The following SYTL4 variants were observed in gnomAD, a reference collection of about 807,000 sequenced individuals.
SYTL4 encodes the protein synaptotagmin-like protein 4.
In SYTL4, 16 loss-of-function variants were observed where a neutral mutation model predicts 52.7. The observed-to-expected ratio is 0.30, with a 90% CI of 0.21 to 0.46. SYTL4 has a LOEUF of 0.46. Ranked by LOEUF, SYTL4 falls within the 20% of genes least tolerant of loss-of-function variation. SYTL4 has a pLI of 1.00. For synonymous variants in SYTL4, 160 were observed against 186.6 expected, an observed-to-expected ratio of 0.86 and a Z score of 1.16; for missense variants, 423 against 519.9, an observed-to-expected ratio of 0.81 and a Z score of 1.81.
chrX:100,700,966 A>C lies in SYTL4; in HGVS notation c.470T>G (p.Leu157Arg). The C allele has an allele frequency of 8.3e-7, 1 of 1,210,270 alleles. No individual in the cohort carries two copies. Among genetic ancestry groups the C allele is most frequent in the Non-Finnish European group, 1.1e-6 (1 of 894,294 alleles). The part of the protein sequence containing the change: ...SKRETVGQSL[L>R]HQTQMGDIWP... Reference sequence around the variant, plus strand: ...GATGTCACCCATCTGTGTCTGATGAAGGAGGGACTGTCCCACTGTCTCTCT... The same window carrying C: ...GATGTCACCCATCTGTGTCTGATGACGGAGGGACTGTCCCACTGTCTCTCT... Residue 157 changes from leucine to arginine, a missense_variant, in exon 8 of 20, where the codon CTT becomes CGT. Transcript: ENST00000372989.
chrX:100,690,103 C>A lies in SYTL4; in HGVS notation c.780G>T (p.Lys260Asn). The change falls in exon 11 of 20, where the codon AAG becomes AAT. Residue 260 changes from lysine (K) to asparagine (N), a missense_variant. Lys to Asn is a moderately conservative substitution (Grantham distance 94). Coordinates refer to ENST00000372989, the MANE Select transcript of SYTL4 (RefSeq NM_001370165.1). The stretch of plus-strand genomic sequence containing the variant: ...AAGGCCTGAGGATTTTTCTGGTGTT[C>A]TTCTTAAATATCATCTCACCCTCAT... The part of the protein sequence containing the change: ...FVDEGEMIFK[K>N]NTRKILRPSE... 1 of 1,210,941 alleles carries A rather than the reference C, an allele frequency of 8.3e-7. No individual in the cohort carries two copies. The highest frequency in any genetic ancestry group is 1.1e-6 in the Non-Finnish European group (1 of 894,984).
intron 2 of SYTL4, among the ~76,000 whole-genome samples, chrX:100,724,054 G>A (rs1202696830): frequency 1.0e-5 from 1 of 99,662 alleles, no homozygotes; most frequent in African/African-American, 3.8e-5. Context: ...CGCCCCGTCC[G>A]GGAGGTGAGG....
intron 5 of SYTL4, 21 bp downstream of exon 5, chrX:100,701,907 T>C: frequency 4.4e-6 from 5 of 1,137,144 alleles, no homozygotes; most frequent in East Asian, 3.0e-5. Flanking sequence ...TGGGACCCCA[T>C]GCGTTTTGGG....
At chrX:100,721,216 G>A (rs929120917) in intron 2 of SYTL4, among the ~76,000 whole-genome samples, 1 of 111,787 alleles carries the variant, frequency 8.9e-6, no homozygotes, top group Non-Finnish European at 1.9e-5. Context: ...GGGGAAAAGA[G>A]GTATGAGTTT....
chrX:100,706,064 C>G (rs1307318664), intron 2 of SYTL4, among the ~76,000 whole-genome samples: 1 of 110,886 alleles, frequency 9.0e-6, no homozygotes, highest in Non-Finnish European at 1.9e-5. Context: ...ATCCATATAC[C>G]TTCATCCCTC....
At chrX:100,710,780 A>G (rs2084052000) in intron 2 of SYTL4, among the ~76,000 whole-genome samples, 1 of 111,914 alleles carries the variant, frequency 8.9e-6, no homozygotes, top group Non-Finnish European at 1.9e-5. Flanking sequence ...AGTTCTGGAG[A>G]CAGAGCTGAG....
At chrX:100,724,246 G>C (rs1342093172) in intron 2 of SYTL4, among the ~76,000 whole-genome samples, 3 of 103,896 alleles carry the variant, frequency 2.9e-5, no homozygotes, top group Non-Finnish European at 4.0e-5. Flanking sequence ...GGAGGGAGGT[G>C]GGGGGGGTCA....
chrX:100,696,199 T>A (rs2083702742), intron 8 of SYTL4, among the ~76,000 whole-genome samples: 1 of 112,001 alleles, frequency 8.9e-6, no homozygotes, highest in South Asian at 3.7e-4. Flanking sequence ...CTTGAGTAAG[T>A]ACCCAGGAAT....
At position 100,689,914 on chromosome X, in the gene SYTL4, T is replaced by C; in HGVS notation, c.854A>G (p.His285Arg). Residue 285 changes from histidine (H) to arginine (R), a missense_variant, in exon 12 of 20, where the codon CAT becomes CGT. His to Arg is a conservative substitution (Grantham distance 29, BLOSUM62 0). Coordinates refer to ENST00000372989, the MANE Select transcript of SYTL4 (RefSeq NM_001370165.1). The stretch of plus-strand genomic sequence containing the variant: ...TCTGTCTCCCAAGGAGCCACTTTCA[T>C]GTACCACATCTTCTGGGCGAAGATC... ...VIDLRPEDVV[H>R]ESGSLGDRSK... 8.3e-7 allele frequency: 1 copy of C among 1,210,757 alleles called. No homozygotes were observed. Among genetic ancestry groups the C allele is most frequent in the Non-Finnish European group, 1.1e-6 (1 of 894,710 alleles).
rs762486640 is a variant in SYTL4 at position 100,701,260 on chromosome X, A to G, written c.396T>C (p.Gly132=). The G allele has an allele frequency of 3.3e-6, 4 of 1,211,642 alleles. No individual in the cohort carries two copies. The Admixed American group carries it at 8.7e-5, about 26-fold the overall frequency. ...QKVNRFAYRT[G]SEIIRMSLRH... ...GCAGGGACATCCTGATTATCTCACT[A>G]CCTGTGCGGTAAGCAAAGCGATTCA... The change falls in exon 7 of 20, where the codon GGT becomes GGC. Residue 132 remains glycine, a synonymous_variant. Transcript: ENST00000372989.
At position 100,681,301 on chromosome X, in the gene SYTL4, T is replaced by G. The variant is rs757247580; in HGVS notation, c.1484A>C (p.His495Pro). The G allele has an allele frequency of 8.3e-7, 1 of 1,211,293 alleles. No homozygotes were observed. Residue 495 changes from histidine to proline, a missense_variant, in exon 17 of 20, where the codon CAC (histidine) becomes CCC (proline). Transcript: ENST00000372989. ...CAATGAAACCACCAACTCGCCTTTG[T>G]GTGATGGCAAGCCAGTCGGGGACTC... The part of the protein sequence containing the change: ...SAESPTGLPS[H>P]KGELVVSLKY...
rs2083515668 is a variant in SYTL4, at chrX:100,688,437, C to T, written c.919G>A (p.Glu307Lys). 1 of 1,199,194 alleles carries T rather than the reference C, an allele frequency of 8.3e-7. No homozygotes were observed. Among genetic ancestry groups the T allele is most frequent in the Admixed American group, 2.2e-5 (1 of 45,426 alleles). ...TGGTCAATGTCTTCTTCTTCTTCTT[C>T]CTCTTCCTGGAACAATAAATATAAA... ...VPGLNVDMEE[E>K]EEEEDIDHLV... Residue 307 changes from glutamate to lysine, a missense_variant, in exon 13 of 20, where the codon GAA becomes AAA. Transcript: ENST00000372989.
chrX:100,705,529 C>T (rs1202387584), intron 2 of SYTL4, among the ~76,000 whole-genome samples: 1 of 111,335 alleles, frequency 9.0e-6, no homozygotes, highest in African/African-American at 3.3e-5. Context: ...ACGGCTGAAA[C>T]ACTGCGCAAA....
intron 13 of SYTL4, 108 bp from the exon 14 acceptor site, chrX:100,687,353 A>G: frequency 2.9e-6 from 2 of 687,300 alleles, no homozygotes; most frequent in Non-Finnish European, 4.5e-6. Flanking sequence ...AAGTTTCAGA[A>G]GCCCCTGCAA....
Position 100,676,191 on chromosome X carries a change from C to A in SYTL4, c.1868-15G>T. 8.3e-7 allele frequency: 1 copy of A among 1,210,630 alleles called. No homozygotes were observed. The highest frequency in any genetic ancestry group is 1.1e-6 in the Non-Finnish European group (1 of 895,092). On this transcript the variant is annotated splice_polypyrimidine_tract_variant and intron_variant, in intron 19 of 19. Coordinates refer to ENST00000372989, the MANE Select transcript of SYTL4 (RefSeq NM_001370165.1). ...ATTACTGATCCCTGAGGAGAAACAC[C>A]AGAAGAGGCTAAAGAGGGGCCCCAC...
At chrX:100,705,609 G>C in intron 2 of SYTL4, among the ~76,000 whole-genome samples, 1 of 111,503 alleles carries the variant, frequency 9.0e-6, no homozygotes, top group East Asian at 2.8e-4. Flanking sequence ...GGATAGCACA[G>C]GCACACTAGA....
intron 2 of SYTL4, among the ~76,000 whole-genome samples, chrX:100,713,252 C>T (rs1004097083): frequency 3.6e-5 from 4 of 111,563 alleles, no homozygotes; most frequent in Non-Finnish European, 7.5e-5. Flanking sequence ...TGAAGCCAGC[C>T]GATCAACATG....
intron 2 of SYTL4, among the ~76,000 whole-genome samples, chrX:100,725,319 G>C (rs2084495025): frequency 9.0e-6 from 1 of 111,641 alleles, no homozygotes; most frequent in African/African-American, 3.3e-5. Context: ...AACAAGAAGA[G>C]GTAAGTATCC....
intron 4 of SYTL4, among the ~76,000 whole-genome samples, chrX:100,702,857 T>C (rs1366619084): frequency 2.7e-5 from 3 of 111,260 alleles, no homozygotes; most frequent in Non-Finnish European, 5.7e-5. Context: ...TAAGGGACTA[T>C]AAATTAAGTG....
Sources: gnomAD v4.1 joint callset for allele counts (sites outside exome capture counted in the v4.1 genomes callset) on GRCh38, gnomAD v4.1.1 for gene constraint, MANE v1.5 for transcripts, NCBI Gene and HGNC (gene_info 2026-07-23, HGNC 2026-07-21) for gene names.